MYO5A: variants seen among roughly 807,000 people sequenced by gnomAD.
The protein encoded by MYO5A is myosin VA.
MYO5A carries 98 observed loss-of-function variants against 249.7 expected under a neutral mutation model. The ratio of observed to expected loss-of-function variants is 0.39; its 90% CI spans 0.33 to 0.46. The LOEUF (loss-of-function observed/expected upper bound fraction) is 0.46, where lower values mean the gene tolerates loss of function less well. Ranked by LOEUF, MYO5A falls within the 20% of genes least tolerant of loss-of-function variation. The pLI, the probability that MYO5A is intolerant of heterozygous loss-of-function variation, is 0.98. For missense variants in MYO5A, 1,696 were observed against 2,308.8 expected, an observed-to-expected ratio of 0.73 and a Z score of 5.44; for synonymous variants, 778 against 810.6, an observed-to-expected ratio of 0.96 and a Z score of 0.68.
At chr15:52,330,330 T>C in intron 35 of MYO5A, 23 bp downstream of exon 35, 1 of 1,614,030 alleles carries the variant, frequency 6.2e-7, no homozygotes, top group Non-Finnish European at 8.5e-7. Context: ...AAGGAACTTT[T>C]ATCCAATGCA....
intron 21 of MYO5A, among the ~76,000 whole-genome samples, chr15:52,371,543 A>G (rs1055448541): frequency 2.6e-5 from 4 of 152,214 alleles, no homozygotes; most frequent in African/African-American, 7.2e-5. Context: ...GTAACATACA[A>G]TATGACTCTT....
intron 1 of MYO5A, 75 bp downstream of exon 1, chr15:52,528,705 C>T: frequency 6.9e-7 from 1 of 1,454,016 alleles, no homozygotes; most frequent in Non-Finnish European, 9.1e-7. Context: ...GCGCTCCCGC[C>T]CCCTCCCCAG....
At position 52,343,314 on chromosome 15, in the gene MYO5A, A is replaced by G. The variant is rs534989840; in HGVS notation, c.3960-117T>C. 3.8e-5 allele frequency: 34 copies of G among 889,652 alleles called. No homozygotes were observed. The African/African-American group carries it at 4.9e-4, about 13-fold the overall frequency. The allele number at this position is 889,652 out of a possible 1,614,324, so 55.1% of individuals were successfully genotyped here. Reference sequence around the variant, plus strand: ...ACATTTTATAAGTTTGTTTTTATTCATTATGACAACTTTAAGACATTACCA... The same window carrying G: ...ACATTTTATAAGTTTGTTTTTATTCGTTATGACAACTTTAAGACATTACCA... On this transcript the variant is annotated intron_variant, in intron 30 of 41. Coordinates refer to ENST00000399233, the MANE Select transcript of MYO5A (RefSeq NM_001382347.1).
At position 52,370,302 on chromosome 15, in the gene MYO5A, G is replaced by A. The variant is rs1005760412; in HGVS notation, c.2933C>T (p.Ala978Val). Residue 978 changes from alanine (A) to valine (V), a missense_variant, in exon 22 of 42, where the codon GCG becomes GTG. Around this residue, in one of 5 missense-constraint regions of MYO5A, gnomAD observed 412 missense variants for 453.3 expected, o/e 0.91. Coordinates refer to ENST00000399233, the MANE Select transcript of MYO5A (RefSeq NM_001382347.1). ...LERLQLSEEEAKVATGRVLSL... is the reference protein window; with the variant it reads ...LERLQLSEEEVKVATGRVLSL... Reference sequence around the variant, plus strand: ...AAGGACCCGCCCAGTGGCAACTTTCGCTTCCTCTTCACTTAGTTGAAGACG... The same window carrying A: ...AAGGACCCGCCCAGTGGCAACTTTCACTTCCTCTTCACTTAGTTGAAGACG... The A allele has an allele frequency of 5.6e-6, 9 of 1,613,938 alleles. No individual in the cohort carries two copies. Among genetic ancestry groups the A allele is most frequent in the South Asian group, 1.1e-5 (1 of 91,084 alleles).
intron 10 of MYO5A, 132 bp downstream of exon 10, chr15:52,397,069 T>C: frequency 9.3e-7 from 1 of 1,073,944 alleles, no homozygotes; most frequent in East Asian, 2.5e-5. Flanking sequence ...ATCAAGGTAT[T>C]CTTGAATTGT....
In MYO5A at chr15:52,353,616, C is replaced by T; in HGVS notation, c.3610G>A (p.Glu1204Lys). The T allele has an allele frequency of 6.2e-7, 1 of 1,614,058 alleles. No homozygotes were observed. The highest frequency in any genetic ancestry group is 8.5e-7 in the Non-Finnish European group (1 of 1,179,892). Residue 1204 changes from glutamate to lysine, a missense_variant, in exon 27 of 42, where the codon GAG (glutamate) becomes AAG (lysine). By Grantham distance (56) the Glu-to-Lys change is moderately conservative. This residue lies in a region of MYO5A where 625 missense variants were observed against 908.1 expected (regional missense o/e 0.69). Transcript: ENST00000399233. Reference protein sequence around the residue: ...PQIRGAELEYESLKRQELESE... With the variant: ...PQIRGAELEYKSLKRQELESE... ...AAACTCCCCATTACCTTGAGTGACTCATATTCCAGTTCTGCACCTCTAATT... is the reference window on the plus strand; with the variant it reads ...AAACTCCCCATTACCTTGAGTGACTTATATTCCAGTTCTGCACCTCTAATT...
rs3985806 is a variant in MYO5A, at chr15:52,367,870, AACACACACACAC to A, written c.3067-758_3067-747del. ...AAATTTTATGTCATGTATATTTTAA[AACACACACACAC>A]ACACACACACACACACACACACACA... is the stretch of plus-strand genomic sequence containing the variant. On this transcript the variant is annotated intron_variant, in intron 22 of 41. Transcript: ENST00000399233. Among the ~76,000 whole-genome samples, 562 of 141,882 alleles carry A rather than the reference AACACACACACAC, an allele frequency of 4.0e-3. 1 individual carries two copies. The highest frequency in any genetic ancestry group is 0.012 in the African/African-American group (437 of 37,554). The allele number at this position is 141,882 out of a possible 152,430, so 93.1% of individuals were successfully genotyped here.
chr15:52,404,854 C>G (rs1201456677), intron 9 of MYO5A, among the ~76,000 whole-genome samples: 2 of 152,136 alleles, frequency 1.3e-5, no homozygotes, highest in African/African-American at 4.8e-5. Flanking sequence ...CATGAAGGCC[C>G]TTTCATGTCA....
Position 52,479,002 on chromosome 15 carries a change from T to A in MYO5A, c.28-45717A>T, listed in dbSNP as rs183371842. 2.7e-5 allele frequency among the ~76,000 whole-genome samples: 4 copies of A among 146,254 alleles called. No individual in the cohort carries two copies. The East Asian group carries it at 7.9e-4, about 29-fold the overall frequency. ...TGTGTAAGTTTTTATAAATTTTAAC[T>A]TTTTTTTTTTTAAGATGGAGTCTCG... On this transcript the variant is annotated intron_variant, in intron 1 of 41. Transcript: ENST00000399233.
At chr15:52,396,177 A>G in intron 11 of MYO5A, 139 bp downstream of exon 11, 1 of 643,626 alleles carries the variant, frequency 1.6e-6, no homozygotes, top group Non-Finnish European at 2.8e-6. Flanking sequence ...ATGTTGTACC[A>G]TTCATTAATC....
intron 1 of MYO5A, among the ~76,000 whole-genome samples, chr15:52,515,763 G>A (rs2141637475): frequency 6.6e-6 from 1 of 152,260 alleles, no homozygotes; most frequent in East Asian, 1.9e-4. Context: ...CAAGCAGGCT[G>A]GAAACAGGTT....
At chr15:52,376,652 G>T in intron 18 of MYO5A, 94 bp from the exon 19 acceptor site, 1 of 1,197,220 alleles carries the variant, frequency 8.4e-7, no homozygotes, top group Non-Finnish European at 1.2e-6. Flanking sequence ...GTAAAGGAAT[G>T]ACTCTATTAG....
chr15:52,448,957 CTTTTTTTTTTTTTTTTTTTTT>C (rs145765339), intron 1 of MYO5A, among the ~76,000 whole-genome samples: 3 of 55,580 alleles, frequency 5.4e-5, no homozygotes, highest in Non-Finnish European at 9.4e-5. Flanking sequence ...TCTTGTCTTT[CTTTTTTTTTTTTTTTTTTTTT>C]TTTTTTTTGA....
chr15:52,323,016 C>A lies in MYO5A; in HGVS notation c.4800+339G>T, dbSNP rs890511506. 2.6e-5 allele frequency among the ~76,000 whole-genome samples: 4 copies of A among 152,002 alleles called. No individual in the cohort carries two copies. In the East Asian group the frequency reaches 7.7e-4, roughly 29 times the overall value. ...TCACCTTTTAATGTATTGTGGCAAG[C>A]CAAAATTGATTAATTTCTTTAAATA... is the stretch of plus-strand genomic sequence containing the variant. On this transcript the variant is annotated intron_variant, in intron 37 of 41. Transcript: ENST00000399233.
chr15:52,386,133 A>G (rs915623687), intron 14 of MYO5A, among the ~76,000 whole-genome samples: 1 of 152,156 alleles, frequency 6.6e-6, no homozygotes, highest in Admixed American at 6.5e-5. Flanking sequence ...CCTGGACAAC[A>G]TGGTGAAACC....
chr15:52,489,647 T>C (rs2076896374), intron 1 of MYO5A, among the ~76,000 whole-genome samples: 1 of 151,232 alleles, frequency 6.6e-6, no homozygotes, highest in Non-Finnish European at 1.5e-5. Flanking sequence ...AAAGGAAATA[T>C]TTGCAAATCA....
intron 5 of MYO5A, among the ~76,000 whole-genome samples, chr15:52,412,610 A>C (rs989648304): frequency 1.3e-5 from 2 of 152,132 alleles, no homozygotes; most frequent in Non-Finnish European, 2.9e-5. Flanking sequence ...AGGGAAAGAA[A>C]TTTCTATACA....
At chr15:52,448,957 CTTTTTTTTTTTTTT>C (rs145765339) in intron 1 of MYO5A, among the ~76,000 whole-genome samples, 1 of 55,580 alleles carries the variant, frequency 1.8e-5, no homozygotes, top group African/African-American at 8.5e-5. Context: ...TCTTGTCTTT[CTTTTTTTTTTTTTT>C]TTTTTTTTTT....
intron 1 of MYO5A, among the ~76,000 whole-genome samples, chr15:52,462,900 G>C (rs1476793418): frequency 1.3e-5 from 2 of 151,452 alleles, no homozygotes; most frequent in South Asian, 4.2e-4. Context: ...CAAACATCTA[G>C]AGAGATCAAG....
Sources: gnomAD v4.1 joint callset for allele counts (sites outside exome capture counted in the v4.1 genomes callset) on GRCh38, gnomAD v4.1.1 for gene constraint, gnomAD v4.1.1 regional missense constraint, MANE v1.5 for transcripts, NCBI Gene and HGNC (gene_info 2026-07-23, HGNC 2026-07-21) for gene names.